Variants in WWOX observed in about 807,000 individuals in gnomAD.
WWOX encodes the protein WW domain containing oxidoreductase.
Under a neutral mutation model 46.2 loss-of-function variants are expected in WWOX, and 69 were observed. That is an observed-to-expected ratio of 1.49 (90% CI 1.23 to 1.82). WWOX has a LOEUF of 1.82. Ranked by LOEUF, WWOX falls within the 40% of genes most tolerant of loss-of-function variation. The probability of loss-of-function intolerance (pLI) is 0.00; values close to 1 mark genes in which losing one functional copy is unlikely to be tolerated. For missense variants in WWOX, 919 were observed against 542.6 expected (o/e 1.69, Z -6.89); for synonymous variants, 359 against 202.6 (o/e 1.77, Z -6.56).
intron 8 of WWOX, among the ~76,000 whole-genome samples, chr16:78,877,122 GACAATTCCTTCAT>G (rs1396066110): frequency 6.6e-6 from 1 of 152,104 alleles, no homozygotes; most frequent in East Asian, 1.9e-4. Context: ...TTTGTATTTT[GACAATTCCTTCAT>G]CTGTTAATTT....
At chr16:78,618,704 C>A (rs2046091595) in intron 8 of WWOX, among the ~76,000 whole-genome samples, 1 of 152,150 alleles carries the variant, frequency 6.6e-6, no homozygotes, top group South Asian at 2.1e-4. Flanking sequence ...GCTAGAGTTG[C>A]TTTCTTCCTT....
intron 5 of WWOX, among the ~76,000 whole-genome samples, chr16:78,229,381 C>T (rs140282797): frequency 6.6e-6 from 1 of 150,918 alleles, no homozygotes; most frequent in African/African-American, 2.4e-5. Context: ...TTCTTTTTAA[C>T]TCAAGAAGCC....
At chr16:78,749,758 C>G (rs773601976) in intron 8 of WWOX, among the ~76,000 whole-genome samples, 20 of 152,166 alleles carry the variant, frequency 1.3e-4, no homozygotes, top group Admixed American at 1.2e-3. Flanking sequence ...ATTGGATGTT[C>G]AAATCTCGAG....
At chr16:78,537,884 G>A (rs2043797289) in intron 8 of WWOX, among the ~76,000 whole-genome samples, 1 of 152,178 alleles carries the variant, frequency 6.6e-6, no homozygotes, top group Admixed American at 6.5e-5. Flanking sequence ...GCCTTCTCCG[G>A]AAGGTTGTCC....
intron 4 of WWOX, among the ~76,000 whole-genome samples, chr16:78,141,524 C>T (rs746901161): frequency 6.7e-6 from 1 of 148,854 alleles, no homozygotes; most frequent in Non-Finnish European, 1.5e-5. Flanking sequence ...GTATTCCTAG[C>T]CAGGCATTTG....
At chr16:78,516,176 A>G (rs1394908479) in intron 8 of WWOX, among the ~76,000 whole-genome samples, 6 of 152,162 alleles carry the variant, frequency 3.9e-5, no homozygotes. Flanking sequence ...GCCCAAGACC[A>G]CAGCTGACAG....
At chr16:78,169,117 A>C (rs544830221) in intron 5 of WWOX, among the ~76,000 whole-genome samples, 2 of 152,306 alleles carry the variant, frequency 1.3e-5, no homozygotes, top group Admixed American at 6.5e-5. Context: ...GGAACAGCAC[A>C]CAGATGTGAT....
chr16:79,067,397 C>T (rs2048461184), intron 8 of WWOX, among the ~76,000 whole-genome samples: 2 of 152,232 alleles, frequency 1.3e-5, no homozygotes, highest in South Asian at 2.1e-4. Context: ...TTCAGCTGTC[C>T]TGACCTCCTT....
chr16:78,508,993 C>T (rs1379750714), intron 8 of WWOX, among the ~76,000 whole-genome samples: 5 of 152,250 alleles, frequency 3.3e-5, no homozygotes, highest in East Asian at 3.8e-4. Context: ...CAGGATCTCC[C>T]GTTAAAGGCG....
rs534237273 is a variant in WWOX at position 78,835,991 on chromosome 16, G to C, written c.1057-375617G>C. 2.6e-5 allele frequency among the ~76,000 whole-genome samples: 4 copies of C among 152,100 alleles called. No homozygotes were observed. In the East Asian group the frequency reaches 7.7e-4, roughly 29 times the overall value. ...TAAGCTGCCACTTCTTCAAAGCCTC[G>C]TTATTCTTGTTCCCTTCAATGTATT... is the stretch of plus-strand genomic sequence containing the variant. On this transcript the variant is annotated intron_variant, in intron 8 of 8. Transcript: ENST00000566780.
In WWOX at chr16:78,540,708, AT is replaced by A. The variant is rs1423146941; in HGVS notation, c.1056+107957del. Among the ~76,000 whole-genome samples, 9 of 151,624 alleles carry A rather than the reference AT, an allele frequency of 5.9e-5. No individual in the cohort carries two copies. The South Asian group carries it at 1.7e-3, about 28-fold the overall frequency. On this transcript the variant is annotated intron_variant, in intron 8 of 8. Transcript: ENST00000566780. The stretch of plus-strand genomic sequence containing the variant: ...GTGGATATTTTGTTAAAAAAAAAAA[AT>A]GGGGTCTCATTCTGTTGCCCCGGCT...
chr16:79,056,907 A>G (rs980453096), intron 8 of WWOX, among the ~76,000 whole-genome samples: 1 of 152,232 alleles, frequency 6.6e-6, no homozygotes, highest in Non-Finnish European at 1.5e-5. Context: ...CCTACAAAAC[A>G]TAGTGCTAAA....
At chr16:78,121,947 C>T (rs983262909) in intron 4 of WWOX, among the ~76,000 whole-genome samples, 3 of 152,250 alleles carry the variant, frequency 2.0e-5, no homozygotes, top group Admixed American at 6.5e-5. Context: ...AGGTGTGAAC[C>T]GCTGTGCCTG....
At chr16:78,511,334 C>G (rs1171095169) in intron 8 of WWOX, among the ~76,000 whole-genome samples, 1 of 152,102 alleles carries the variant, frequency 6.6e-6, no homozygotes, top group Non-Finnish European at 1.5e-5. Context: ...ACACTATGAC[C>G]GTTGACGAAG....
At chr16:78,410,023 A>G (rs2082640624) in intron 6 of WWOX, among the ~76,000 whole-genome samples, 1 of 152,104 alleles carries the variant, frequency 6.6e-6, no homozygotes, top group South Asian at 2.1e-4. Flanking sequence ...GCTGGGAGGT[A>G]TTTGGATCAT....
chr16:78,690,979 G>A (rs1301066142), intron 8 of WWOX, among the ~76,000 whole-genome samples: 4 of 152,086 alleles, frequency 2.6e-5, no homozygotes, highest in Non-Finnish European at 5.9e-5. Context: ...CAATCTATAT[G>A]TCCAACGCCA....
intron 8 of WWOX, among the ~76,000 whole-genome samples, chr16:79,160,893 A>G (rs1397072468): frequency 2.0e-5 from 3 of 152,142 alleles, no homozygotes; most frequent in African/African-American, 2.4e-5. Context: ...ACACATATAC[A>G]TATACACATA....
At chr16:78,959,556 C>A (rs1323515826) in intron 8 of WWOX, among the ~76,000 whole-genome samples, 1 of 152,150 alleles carries the variant, frequency 6.6e-6, no homozygotes, top group African/African-American at 2.4e-5. Flanking sequence ...TCCATTCATC[C>A]ATCTATCCAT....
At chr16:78,874,900 C>T (rs2044204851) in intron 8 of WWOX, among the ~76,000 whole-genome samples, 1 of 152,032 alleles carries the variant, frequency 6.6e-6, no homozygotes, top group Non-Finnish European at 1.5e-5. Flanking sequence ...AAGAGCTCCC[C>T]TTCAAGCATA....
Sources: gnomAD v4.1 joint callset for allele counts (sites outside exome capture counted in the v4.1 genomes callset) on GRCh38, gnomAD v4.1.1 for gene constraint, MANE v1.5 for transcripts, NCBI Gene and HGNC (gene_info 2026-07-23, HGNC 2026-07-21) for gene names.